DSCAM: variants seen among roughly 807,000 people sequenced by gnomAD.
DSCAM encodes the protein cell adhesion molecule DSCAM.
DSCAM carries 47 observed loss-of-function variants against 217.7 expected under a neutral mutation model. That is an observed-to-expected ratio of 0.22 (90% CI 0.17 to 0.28). The LOEUF (loss-of-function observed/expected upper bound fraction) is 0.28. DSCAM is among the 10% of genes least tolerant of loss of function. The pLI, the probability that DSCAM is intolerant of heterozygous loss-of-function variation, is 1.00. For synonymous variants in DSCAM, 1,056 were observed against 1,015.3 expected (o/e 1.04, Z -0.76); for missense variants, 2,080 against 2,618.3 (o/e 0.79, Z 4.49).
chr21:40,338,509 T>C, intron 7 of DSCAM, 133 bp from the exon 8 acceptor site: 1 of 976,470 alleles, frequency 1.0e-6, no homozygotes, highest in Non-Finnish European at 1.4e-6. Flanking sequence ...TAAACAAATA[T>C]TTTTGCATGT....
chr21:40,550,865 G>A (rs1021508469), intron 3 of DSCAM, among the ~76,000 whole-genome samples: 5 of 152,256 alleles, frequency 3.3e-5, no homozygotes, highest in South Asian at 2.1e-4. Context: ...AAACAGCAGG[G>A]CTGCTTACAG....
chr21:40,471,816 T>G (rs1310233405), intron 3 of DSCAM, among the ~76,000 whole-genome samples: 2 of 152,200 alleles, frequency 1.3e-5, no homozygotes, highest in East Asian at 1.9e-4. Context: ...TATTATACTT[T>G]AAGTTCTAGG....
chr21:40,486,333 G>A lies in DSCAM; in HGVS notation c.509-117088C>T, dbSNP rs962744505. Among the ~76,000 whole-genome samples the A allele has an allele frequency of 7.0e-4, 107 of 152,112 alleles. 1 individual carries two copies. Among genetic ancestry groups the A allele is most frequent in the Middle Eastern group, 3.2e-3 (1 of 316 alleles). ...CTGGCTGGTCCTTCCCCTCTTGACT[G>A]TCCTTTTTCAGATGACTCCAGACTG... On this transcript the variant is annotated intron_variant, in intron 3 of 32. Coordinates refer to ENST00000400454, the MANE Select transcript of DSCAM (RefSeq NM_001389.5).
At chr21:40,252,693 G>C (rs1250712464) in intron 11 of DSCAM, among the ~76,000 whole-genome samples, 1 of 152,154 alleles carries the variant, frequency 6.6e-6, no homozygotes, top group African/African-American at 2.4e-5. Flanking sequence ...TATTGCCCTA[G>C]ACTTTGTTTC....
At chr21:40,730,028 A>T (rs1195814870) in intron 1 of DSCAM, among the ~76,000 whole-genome samples, 2 of 152,218 alleles carry the variant, frequency 1.3e-5, no homozygotes, top group Non-Finnish European at 2.9e-5. Flanking sequence ...TCTCAAGGCA[A>T]CTAGACATAC....
chr21:40,253,235 A>C lies in DSCAM; in HGVS notation c.2356+22862T>G, dbSNP rs369778831. On this transcript the variant is annotated intron_variant, in intron 11 of 32. Coordinates refer to ENST00000400454, the MANE Select transcript of DSCAM (RefSeq NM_001389.5). ...GCAAGGCATTGGGGAGCATCGTGGG[A>C]GGGAGGATGTTATTTACCTCTTTAT... Among the ~76,000 whole-genome samples the C allele has an allele frequency of 4.1e-4, 63 of 152,244 alleles. No homozygotes were observed. In the South Asian group the frequency reaches 8.9e-3, roughly 22 times the overall value.
intron 3 of DSCAM, among the ~76,000 whole-genome samples, chr21:40,529,192 G>A (rs925374419): frequency 1.3e-4 from 19 of 151,928 alleles, no homozygotes; most frequent in African/African-American, 4.6e-4. Flanking sequence ...CACTGCTTCT[G>A]GCCTAGGCTT....
intron 1 of DSCAM, among the ~76,000 whole-genome samples, chr21:40,824,899 C>G (rs1324958638): frequency 1.3e-5 from 2 of 152,176 alleles, no homozygotes; most frequent in Admixed American, 6.5e-5. Flanking sequence ...AAATCCCCCT[C>G]TCTTTGAAGC....
intron 20 of DSCAM, among the ~76,000 whole-genome samples, chr21:40,109,888 G>C (rs775829818): frequency 6.6e-6 from 1 of 152,072 alleles, no homozygotes; most frequent in African/African-American, 2.4e-5. Context: ...CCACCATTGC[G>C]GAGGCTTGAG....
At chr21:40,214,669 A>G (rs575068670) in intron 11 of DSCAM, among the ~76,000 whole-genome samples, 13 of 151,174 alleles carry the variant, frequency 8.6e-5, no homozygotes, top group African/African-American at 2.9e-4. Flanking sequence ...TTTCCAGCAA[A>G]TGGAAGCCAA....
In DSCAM at chr21:40,012,426, C is replaced by A. The variant is rs1204545117; in HGVS notation, c.*608G>T. 1 of 152,140 alleles carries A rather than the reference C, an allele frequency of 6.6e-6. No homozygotes were observed. 9.4% of individuals were successfully genotyped at this position (152,140 alleles called of 1,614,324 possible). ...CAGACATGGAAATAAAGGCAGACAA[C>A]CTTTTCTTTTTTATTTCGCTTAGAC... On this transcript the variant is annotated 3_prime_UTR_variant, in exon 33 of 33. Coordinates refer to ENST00000400454, the MANE Select transcript of DSCAM (RefSeq NM_001389.5).
chr21:40,106,268 A>G (rs899696487), intron 20 of DSCAM, among the ~76,000 whole-genome samples: 2 of 152,230 alleles, frequency 1.3e-5, no homozygotes, highest in African/African-American at 2.4e-5. Flanking sequence ...GGTCTTTCCC[A>G]TGACACATGG....
chr21:40,324,103 CAAAAAAAAAAAAAAAAAA>C (rs71330393), intron 8 of DSCAM, among the ~76,000 whole-genome samples: 1 of 27,942 alleles, frequency 3.6e-5, no homozygotes, highest in Non-Finnish European at 6.0e-5. Context: ...AACTCTGTCT[CAAAAAAAAAAAAAAAAAA>C]AAAAAAAAAA....
At chr21:40,844,612 T>C (rs1409606561) in intron 1 of DSCAM, among the ~76,000 whole-genome samples, 1 of 151,602 alleles carries the variant, frequency 6.6e-6, no homozygotes, top group African/African-American at 2.4e-5. Flanking sequence ...AATTTTTGCA[T>C]ATATTTTTCA....
At chr21:40,314,547 G>A (rs2074175404) in intron 8 of DSCAM, among the ~76,000 whole-genome samples, 1 of 152,164 alleles carries the variant, frequency 6.6e-6, no homozygotes, top group African/African-American at 2.4e-5. Context: ...TACCAAAGGT[G>A]CTTGTATTTC....
chr21:40,801,893 G>T (rs1312801412), intron 1 of DSCAM, among the ~76,000 whole-genome samples: 9 of 152,144 alleles, frequency 5.9e-5, no homozygotes, highest in Non-Finnish European at 8.8e-5. Context: ...CACAGGGGGG[G>T]TTGCCACCAC....
chr21:40,131,410 C>T (rs2146685421), intron 19 of DSCAM, among the ~76,000 whole-genome samples: 2 of 152,286 alleles, frequency 1.3e-5, no homozygotes, highest in Non-Finnish European at 2.9e-5. Context: ...TCTCTTCTTC[C>T]ACCCAATCTT....
intron 3 of DSCAM, among the ~76,000 whole-genome samples, chr21:40,381,062 C>CAAAAAAAAAAAAAAAAAAAAAAAAA (rs71186932): frequency 7.6e-5 from 5 of 66,218 alleles, no homozygotes; most frequent in Admixed American, 2.6e-4. Flanking sequence ...GACTCCGTCT[C>CAAAAAAAAAAAAAAAAAAAAAAAAA]AAAAAAAAAA....
intron 3 of DSCAM, among the ~76,000 whole-genome samples, chr21:40,595,162 G>C (rs1329466726): frequency 6.6e-6 from 1 of 152,076 alleles, no homozygotes; most frequent in Non-Finnish European, 1.5e-5. Context: ...TGAATTGCTT[G>C]AGCCCAGGAG....
Sources: gnomAD v4.1 joint callset for allele counts (sites outside exome capture counted in the v4.1 genomes callset) on GRCh38, gnomAD v4.1.1 for gene constraint, MANE v1.5 for transcripts, NCBI Gene and HGNC (gene_info 2026-07-23, HGNC 2026-07-21) for gene names.